The following PDE4A variants were observed in gnomAD, a reference collection of about 807,000 sequenced individuals.
The protein encoded by PDE4A is phosphodiesterase 4A, also known as 3',5'-cyclic-AMP phosphodiesterase 4A.
Under a neutral mutation model 73.9 loss-of-function variants are expected in PDE4A, and 21 were observed. That is an observed-to-expected ratio of 0.28 (90% confidence interval 0.20 to 0.41). PDE4A has a LOEUF of 0.41. Ranked by LOEUF, PDE4A falls within the 10% of genes least tolerant of loss-of-function variation. PDE4A has a pLI of 1.00. For missense variants in PDE4A, 958 were observed against 1,211.4 expected, an observed-to-expected ratio of 0.79 and a Z score of 3.10; for synonymous variants, 463 against 505.4, an observed-to-expected ratio of 0.92 and a Z score of 1.13.
upstream of PDE4A, chr19:10,417,778 ACCCTGGGGTC>A: frequency 6.4e-7 from 1 of 1,563,522 alleles, no homozygotes; most frequent in Non-Finnish European, 8.6e-7. Context: ...GAGCCCTCGG[ACCCTGGGGTC>A]CCTCTGCCGC....
intron 14 of PDE4A, among the ~76,000 whole-genome samples, chr19:10,465,189 C>T (rs540065094): frequency 4.3e-4 from 66 of 151,942 alleles, no homozygotes; most frequent in Middle Eastern, 3.4e-3. Context: ...TGGTCTCTCT[C>T]TACCCACTAG....
In PDE4A at chr19:10,455,089, C is replaced by T. The variant is rs561313755; in HGVS notation, c.877+167C>T. 2.0e-5 allele frequency among the ~76,000 whole-genome samples: 3 copies of T among 152,292 alleles called. No homozygotes were observed. In the East Asian group the frequency reaches 5.8e-4, roughly 29 times the overall value. ...GGAACCCTCATGTTCCTGATGCCTC[C>T]AAACTCTGTGGGACCCCCAGCTTCT... On this transcript the variant is annotated intron_variant, in intron 7 of 14. Coordinates refer to ENST00000380702, the MANE Select transcript of PDE4A (RefSeq NM_001111307.2).
chr19:10,418,781 A>T (rs373157320), upstream of PDE4A: 1,032 of 985,216 alleles, frequency 1.0e-3, 32 homozygotes, highest in South Asian at 0.043. Flanking sequence ...CCAGATCTCT[A>T]ACCAACGTTA....
intron 10 of PDE4A, among the ~76,000 whole-genome samples, chr19:10,460,738 C>G (rs983736409): frequency 1.4e-5 from 2 of 147,978 alleles, no homozygotes; most frequent in African/African-American, 5.0e-5. Flanking sequence ...GGGGAAGTTG[C>G]AGTGAGCCAA....
In PDE4A at chr19:10,467,218, A is replaced by G; in HGVS notation, c.2258A>G (p.Glu753Gly). The G allele has an allele frequency of 6.2e-7, 1 of 1,614,086 alleles. No individual in the cohort carries two copies. The change falls in exon 15 of 15, where the codon GAG becomes GGG. Residue 753 changes from glutamate to glycine, a missense_variant. Glu to Gly is a moderately conservative substitution (Grantham distance 98). Transcript: ENST00000380702. ...GCTCTGGATGCAACCATAGCCTGGGAGGCATCCCCGGCCCAGGAGTCGTTG... is the reference window on the plus strand; with the variant it reads ...GCTCTGGATGCAACCATAGCCTGGGGGGCATCCCCGGCCCAGGAGTCGTTG... ...EEALDATIAW[E>G]ASPAQESLEV...
At chr19:10,463,720 G>A (rs2043315003) in intron 13 of PDE4A, 73 bp from the exon 14 acceptor site, 12 of 1,584,150 alleles carry the variant, frequency 7.6e-6, no homozygotes, top group Non-Finnish European at 1.0e-5. Flanking sequence ...TAAAAAAGAA[G>A]GAATGCCTGA....
intron 1 of PDE4A, among the ~76,000 whole-genome samples, chr19:10,440,836 G>A (rs1470988893): frequency 1.3e-5 from 2 of 151,662 alleles, no homozygotes; most frequent in African/African-American, 4.8e-5. Flanking sequence ...CTGACCTCGT[G>A]ATCCACCCAC....
intron 1 of PDE4A, among the ~76,000 whole-genome samples, chr19:10,425,759 G>A (rs2042708748): frequency 6.6e-6 from 1 of 152,082 alleles, no homozygotes; most frequent in Non-Finnish European, 1.5e-5. Flanking sequence ...GCTGAGGCGG[G>A]TGGATTATTT....
chr19:10,417,388 A>C (rs551360114), upstream of PDE4A: 1 of 985,142 alleles, frequency 1.0e-6, no homozygotes, highest in East Asian at 1.1e-4. Context: ...GAGGTCTCAC[A>C]CTTGAGACAG....
At position 10,463,036 on chromosome 19, in the gene PDE4A, T is replaced by TTCCTG. The variant is rs111317111; in HGVS notation, c.1744-737_1744-733dup. Among the ~76,000 whole-genome samples, 238 of 152,046 alleles carry TTCCTG rather than the reference T, an allele frequency of 1.6e-3. 1 individual carries two copies. The highest frequency in any genetic ancestry group is 4.8e-3 in the African/African-American group (200 of 41,486). ...TTGCAAGATCCTCTTTTCCTTTCCT[T>TTCCTG]TCCTGTCCTGTCCTGTCCTGTCCTT... On this transcript the variant is annotated intron_variant, in intron 13 of 14. Transcript: ENST00000380702.
chr19:10,443,094 G>A (rs183886230), intron 1 of PDE4A, among the ~76,000 whole-genome samples: 2 of 151,788 alleles, frequency 1.3e-5, no homozygotes, highest in South Asian at 2.1e-4. Flanking sequence ...TGGGGGGATC[G>A]CTAGAGTCCA....
chr19:10,438,240 G>A, intron 1 of PDE4A, among the ~76,000 whole-genome samples: 1 of 151,860 alleles, frequency 6.6e-6, no homozygotes. Context: ...AGCCTCCTGA[G>A]TAGCTTGGAT....
At chr19:10,428,357 C>CGAGAGA (rs56177515) in intron 1 of PDE4A, among the ~76,000 whole-genome samples, 5,219 of 137,290 alleles carry the variant, frequency 0.038, 115 homozygotes, top group Non-Finnish European at 0.055. Flanking sequence ...GATCCTGTCT[C>CGAGAGA]GAGAGAGAGA....
chr19:10,417,446 C>A, upstream of PDE4A: 10 of 983,622 alleles, frequency 1.0e-5, no homozygotes, highest in Non-Finnish European at 1.2e-5. Flanking sequence ...GAGAGGGGAC[C>A]CCACAAAAAT....
chr19:10,432,653 T>C, intron 1 of PDE4A: 1 of 1,328,440 alleles, frequency 7.5e-7, no homozygotes, highest in East Asian at 3.1e-5. Context: ...GTGCTGAGTC[T>C]ACCTGGGTGA....
chr19:10,427,632 C>G, intron 1 of PDE4A: 1 of 985,038 alleles, frequency 1.0e-6, no homozygotes, highest in East Asian at 1.1e-4. Flanking sequence ...GCTAAAATTC[C>G]TGTCTCTGAA....
intron 10 of PDE4A, among the ~76,000 whole-genome samples, chr19:10,460,001 C>G (rs2043237248): frequency 6.6e-6 from 1 of 152,112 alleles, no homozygotes; most frequent in Non-Finnish European, 1.5e-5. Context: ...CTGCCTCAGC[C>G]TCCTGAGTAG....
chr19:10,447,070 T>G (rs1055041740), intron 2 of PDE4A, among the ~76,000 whole-genome samples: 1 of 150,588 alleles, frequency 6.6e-6, no homozygotes, highest in African/African-American at 2.4e-5. Context: ...GGCTAATTTT[T>G]TTGCATTTTT....
chr19:10,417,812 C>T (rs1197437740), upstream of PDE4A: 1 of 1,557,136 alleles, frequency 6.4e-7, no homozygotes, highest in East Asian at 2.4e-5. Flanking sequence ...GGCCCACCAC[C>T]CTGCCGCTGC....
Sources: allele counts gnomAD v4.1 joint callset (sites outside exome capture counted in the v4.1 genomes callset), GRCh38; gene constraint gnomAD v4.1.1; transcripts MANE v1.5; gene names NCBI Gene and HGNC (gene_info 2026-07-23, HGNC 2026-07-21).